SCAMP2: variants seen among roughly 807,000 people sequenced by gnomAD.
The protein encoded by SCAMP2 is secretory carrier-associated membrane protein 2.
In SCAMP2, 25 loss-of-function variants were observed where a neutral mutation model predicts 44.1. The observed-to-expected ratio is 0.57, with a 90% CI of 0.41 to 0.79. SCAMP2 has a LOEUF of 0.79. SCAMP2 is among the 30% of genes least tolerant of loss of function. The pLI is 0.00. For synonymous variants in SCAMP2, 156 were observed against 166.0 expected (o/e 0.94, Z 0.46); for missense variants, 355 against 411.0 (o/e 0.86, Z 1.18).
At chr15:74,848,912 AG>A (rs1333201695) in intron 6 of SCAMP2, among the ~76,000 whole-genome samples, 5 of 152,016 alleles carry the variant, frequency 3.3e-5, no homozygotes, top group African/African-American at 1.2e-4. Context: ...TTCCAATTTA[AG>A]GGGTCAGTGC....
At chr15:74,845,419 GA>G in intron 8 of SCAMP2, 53 bp downstream of exon 8, 1 of 1,613,270 alleles carries the variant, frequency 6.2e-7, no homozygotes, top group Non-Finnish European at 8.5e-7. Flanking sequence ...GCAAGGGCAG[GA>G]AACGGTTGCC....
intron 1 of SCAMP2, among the ~76,000 whole-genome samples, chr15:74,855,185 C>A (rs1049937763): frequency 1.3e-5 from 2 of 151,972 alleles, no homozygotes; most frequent in African/African-American, 4.8e-5. Flanking sequence ...CTCACTGCAA[C>A]CTTCGCCTCC....
chr15:74,849,030 G>A (rs190547934), intron 6 of SCAMP2, among the ~76,000 whole-genome samples: 84 of 152,074 alleles, frequency 5.5e-4, no homozygotes, highest in African/African-American at 7.7e-4. Context: ...CTCCAGCCTG[G>A]GTGACAGAGT....
At chr15:74,865,074 C>CAAAAAA (rs36079981) in intron 1 of SCAMP2, among the ~76,000 whole-genome samples, 1 of 32,820 alleles carries the variant, frequency 3.0e-5, no homozygotes, top group Non-Finnish European at 5.3e-5. Context: ...GACTCTATCT[C>CAAAAAA]AAAAAAAAAA....
chr15:74,867,511 T>G (rs1280194478), intron 1 of SCAMP2, among the ~76,000 whole-genome samples: 1 of 152,188 alleles, frequency 6.6e-6, no homozygotes, highest in Non-Finnish European at 1.5e-5. Context: ...AACCCTGCCA[T>G]TTTCAAATTT....
At chr15:74,862,981 GAGAGAATCGCTTGAGCCC>G (rs948600903) in intron 1 of SCAMP2, among the ~76,000 whole-genome samples, 3 of 151,920 alleles carry the variant, frequency 2.0e-5, no homozygotes, top group African/African-American at 7.3e-5. Flanking sequence ...AGGCTGAGGT[GAGAGAATCGCTTGAGCCC>G]AGGAGTTAAG....
At chr15:74,863,680 G>A (rs908981877) in intron 1 of SCAMP2, among the ~76,000 whole-genome samples, 16 of 152,070 alleles carry the variant, frequency 1.1e-4, no homozygotes, top group African/African-American at 3.9e-4. Context: ...CCTCAAAATG[G>A]GACACTTACT....
At position 74,851,343 on chromosome 15, in the gene SCAMP2, TG is replaced by T; in HGVS notation, c.472+9del. The T allele has an allele frequency of 6.2e-7, 1 of 1,611,976 alleles. No homozygotes were observed. The highest frequency in any genetic ancestry group is 8.5e-7 in the Non-Finnish European group (1 of 1,178,496). On this transcript the variant is annotated intron_variant, in intron 5 of 8. Transcript: ENST00000268099. The stretch of plus-strand genomic sequence containing the variant: ...CGCCCTTGCGCTTGGAAGGCAGGAG[TG>T]GGACTCACACATCCACAGATAGTAG...
At chr15:74,862,853 TAC>T (rs112611741) in intron 1 of SCAMP2, among the ~76,000 whole-genome samples, 13,426 of 87,260 alleles carry the variant, frequency 0.15, 937 homozygotes, top group South Asian at 0.31. Flanking sequence ...AAACAAACCA[TAC>T]ACACACACAC....
chr15:74,856,145 T>C (rs2141175279), intron 1 of SCAMP2, among the ~76,000 whole-genome samples: 1 of 152,190 alleles, frequency 6.6e-6, no homozygotes, highest in Non-Finnish European at 1.5e-5. Context: ...GGGCTGTTCC[T>C]GCCTGTGGAG....
At chr15:74,870,347 C>T (rs2064567445) in intron 1 of SCAMP2, among the ~76,000 whole-genome samples, 1 of 152,172 alleles carries the variant, frequency 6.6e-6, no homozygotes, top group African/African-American at 2.4e-5. Flanking sequence ...TGGAGCAAAG[C>T]TCTCTGCATT....
At chr15:74,866,016 A>AGG (rs2064541173) in intron 1 of SCAMP2, among the ~76,000 whole-genome samples, 5 of 85,714 alleles carry the variant, frequency 5.8e-5, no homozygotes, top group African/African-American at 2.6e-4. Flanking sequence ...GGAAGGAAGG[A>AGG]AAGGAGGGAG....
At chr15:74,861,670 G>C (rs1198939612) in intron 1 of SCAMP2, among the ~76,000 whole-genome samples, 6 of 151,932 alleles carry the variant, frequency 3.9e-5, no homozygotes, top group Non-Finnish European at 8.8e-5. Flanking sequence ...AGGCCAAGGT[G>C]GGCAGATCAC....
intron 1 of SCAMP2, among the ~76,000 whole-genome samples, chr15:74,858,998 A>G (rs1024540967): frequency 6.6e-6 from 1 of 151,112 alleles, no homozygotes; most frequent in Admixed American, 6.6e-5. Flanking sequence ...TTTAGTAGAG[A>G]TAGGTTTCAC....
intron 3 of SCAMP2, 98 bp from the exon 4 acceptor site, chr15:74,852,284 G>C (rs1446689643): frequency 1.2e-6 from 1 of 850,460 alleles, no homozygotes; most frequent in East Asian, 3.0e-5. Flanking sequence ...CCCAGGCAGG[G>C]ACAGCCATCA....
Position 74,848,676 on chromosome 15 carries a change from C to A in SCAMP2, c.658G>T (p.Val220Leu), listed in dbSNP as rs201318050. The A allele has an allele frequency of 6.2e-7, 1 of 1,613,682 alleles. No homozygotes were observed. The highest frequency in any genetic ancestry group is 2.2e-5 in the East Asian group (1 of 44,884). ...FRSDNSFSFFVFFFVFFCQIG... is the reference protein window; with the variant it reads ...FRSDNSFSFFLFFFVFFCQIG... Reference sequence around the variant, plus strand: ...TGACAAAAAAATACAAAGAAGAACACAAAGAAGCTGAAAGAGTTGTCGGAC... The same window carrying A: ...TGACAAAAAAATACAAAGAAGAACAAAAAGAAGCTGAAAGAGTTGTCGGAC... The change falls in exon 7 of 9, where the codon GTG becomes TTG. Residue 220 changes from valine (V) to leucine (L), a missense_variant. Physicochemically the swap from Val to Leu is conservative, Grantham distance 32 (BLOSUM62 1). Coordinates refer to ENST00000268099, the MANE Select transcript of SCAMP2 (RefSeq NM_005697.5).
chr15:74,850,715 T>G (rs1234836074), intron 5 of SCAMP2, 42 bp from the exon 6 acceptor site: 3 of 1,605,070 alleles, frequency 1.9e-6, no homozygotes, highest in Non-Finnish European at 2.6e-6. Context: ...TGTGCCACAG[T>G]GGCTGAGGGG....
Position 74,845,223 on chromosome 15 carries a change from G to A in SCAMP2, c.856-6C>T, listed in dbSNP as rs1367338837. On this transcript the variant is annotated splice_polypyrimidine_tract_variant and splice_region_variant and intron_variant, in intron 8 of 8. Transcript: ENST00000268099. ...CGTCGGTAGAGGGAGTGCACCTGGC[G>A]AAGAGGGGTGGGGTGAGAGAAGCCT... is the stretch of plus-strand genomic sequence containing the variant. The A allele has an allele frequency of 9.3e-6, 15 of 1,611,510 alleles. No homozygotes were observed. The highest frequency in any genetic ancestry group is 8.9e-5 in the East Asian group (4 of 44,880).
At chr15:74,850,747 C>G in intron 5 of SCAMP2, 74 bp from the exon 6 acceptor site, 4 of 1,497,118 alleles carry the variant, frequency 2.7e-6, no homozygotes, top group Non-Finnish European at 2.8e-6. Flanking sequence ...CAGCCACTCC[C>G]TAGGAGAGGT....
Sources: allele counts gnomAD v4.1 joint callset (sites outside exome capture counted in the v4.1 genomes callset), GRCh38; gene constraint gnomAD v4.1.1; transcripts MANE v1.5; gene names NCBI Gene and HGNC (gene_info 2026-07-23, HGNC 2026-07-21).